ULK4: variants seen among roughly 807,000 people sequenced by gnomAD.
ULK4 encodes unc-51 like kinase 4.
A neutral mutation model predicts 160.6 loss-of-function variants in ULK4; 133 were observed. The ratio of observed to expected loss-of-function variants is 0.83; its 90% confidence interval spans 0.72 to 0.96. The LOEUF (loss-of-function observed/expected upper bound fraction) is 0.96. Ranked by LOEUF, ULK4 falls within the 40% of genes least tolerant of loss-of-function variation. The pLI is 0.00. For missense variants in ULK4, 1,580 were observed against 1,499.5 expected, an observed-to-expected ratio of 1.05 and a Z score of -0.89; for synonymous variants, 534 against 539.8, an observed-to-expected ratio of 0.99 and a Z score of 0.15.
intron 30 of ULK4, among the ~76,000 whole-genome samples, chr3:41,661,151 G>A (rs573999581): frequency 3.9e-5 from 6 of 152,078 alleles, no homozygotes; most frequent in Non-Finnish European, 8.8e-5. Context: ...TAAATACAGT[G>A]AACAAATATT....
At chr3:41,794,660 C>CAAAAAAAAAAAAAA (rs71075484) in intron 20 of ULK4, among the ~76,000 whole-genome samples, 214 of 18,974 alleles carry the variant, frequency 0.011, 20 homozygotes, top group East Asian at 0.026. Flanking sequence ...GACTCTGTCT[C>CAAAAAAAAAAAAAA]AAAAAAAAAA....
At chr3:41,769,715 C>A (rs1047807882) in intron 21 of ULK4, among the ~76,000 whole-genome samples, 2 of 152,138 alleles carry the variant, frequency 1.3e-5, no homozygotes, top group African/African-American at 4.8e-5. Context: ...GCTTCCACCA[C>A]AACCAAAAAT....
At chr3:41,339,089 C>A (rs576783880) in intron 35 of ULK4, among the ~76,000 whole-genome samples, 69 of 152,052 alleles carry the variant, frequency 4.5e-4, no homozygotes, top group African/African-American at 1.6e-3. Context: ...CATCTCCCAA[C>A]CCAGTCAGGT....
intron 32 of ULK4, among the ~76,000 whole-genome samples, chr3:41,545,520 T>C (rs2086830117): frequency 6.6e-6 from 1 of 152,220 alleles, no homozygotes; most frequent in South Asian, 2.1e-4. Context: ...TCATTACCCT[T>C]TATGTAATAT....
intron 23 of ULK4, among the ~76,000 whole-genome samples, chr3:41,716,228 T>C (rs866025383): frequency 7.4e-6 from 1 of 135,332 alleles, no homozygotes; most frequent in African/African-American, 3.3e-5. Context: ...ATAATAATAA[T>C]AATAATAATA....
chr3:41,764,453 A>G (rs1330762456), intron 21 of ULK4, among the ~76,000 whole-genome samples: 1 of 152,084 alleles, frequency 6.6e-6, no homozygotes, highest in African/African-American at 2.4e-5. Flanking sequence ...AAATCATACA[A>G]AAAAAAGTGG....
At chr3:41,290,490 G>C (rs9870792) in intron 35 of ULK4, among the ~76,000 whole-genome samples, 37,025 of 151,980 alleles carry the variant, frequency 0.24, 6,628 homozygotes, top group African/African-American at 0.5. Flanking sequence ...TTAGGTTATA[G>C]TGCTTCTCTA....
intron 1 of ULK4, among the ~76,000 whole-genome samples, chr3:41,960,873 C>A (rs1700641330): frequency 6.6e-6 from 1 of 152,134 alleles, no homozygotes; most frequent in African/African-American, 2.4e-5. Flanking sequence ...CTTCTAATCA[C>A]CACCCAAAGT....
chr3:41,653,978 T>C (rs1270078180), intron 30 of ULK4, among the ~76,000 whole-genome samples: 2 of 152,240 alleles, frequency 1.3e-5, no homozygotes, highest in African/African-American at 2.4e-5. Context: ...TGTTTCCTTG[T>C]AAATCTCACA....
At chr3:41,677,692 A>G (rs191647097) in intron 29 of ULK4, among the ~76,000 whole-genome samples, 112 of 152,302 alleles carry the variant, frequency 7.4e-4, no homozygotes, top group African/African-American at 2.6e-3. Flanking sequence ...ATTCTTTGAT[A>G]TTAATTCATC....
intron 35 of ULK4, among the ~76,000 whole-genome samples, chr3:41,329,083 T>G (rs2080392831): frequency 6.6e-6 from 1 of 152,224 alleles, no homozygotes; most frequent in South Asian, 2.1e-4. Flanking sequence ...ATATCTTCTC[T>G]GTCTCCATAG....
chr3:41,895,878 T>G (rs1698134756), intron 15 of ULK4, among the ~76,000 whole-genome samples: 1 of 152,170 alleles, frequency 6.6e-6, no homozygotes, highest in Admixed American at 6.5e-5. Context: ...AACTTAAATT[T>G]TTTCAAGCCA....
chr3:41,561,946 T>C (rs990603235), intron 32 of ULK4, among the ~76,000 whole-genome samples: 10 of 152,220 alleles, frequency 6.6e-5, no homozygotes, highest in Middle Eastern at 3.2e-3. Flanking sequence ...CTTTTAATTG[T>C]GATGTTAGGG....
At chr3:41,600,306 A>G (rs2125660024) in intron 31 of ULK4, among the ~76,000 whole-genome samples, 1 of 152,284 alleles carries the variant, frequency 6.6e-6, no homozygotes, top group Non-Finnish European at 1.5e-5. Context: ...CTGCTGTATG[A>G]AGTCAGTAAT....
At chr3:41,735,935 T>C (rs2038025976) in intron 22 of ULK4, among the ~76,000 whole-genome samples, 1 of 146,606 alleles carries the variant, frequency 6.8e-6, no homozygotes, top group East Asian at 2.0e-4. Flanking sequence ...AGTGAGAATA[T>C]GCGGTGTTTG....
At chr3:41,632,911 C>T (rs1559446624) in intron 30 of ULK4, among the ~76,000 whole-genome samples, 2 of 152,000 alleles carry the variant, frequency 1.3e-5, no homozygotes, top group Non-Finnish European at 2.9e-5. Flanking sequence ...TGAGGTTCAG[C>T]AAAGGAGCAG....
Position 41,862,797 on chromosome 3 carries a change from C to T in ULK4, c.1656+21077G>A, listed in dbSNP as rs555150391. On this transcript the variant is annotated intron_variant, in intron 17 of 36. Coordinates refer to ENST00000301831, the MANE Select transcript of ULK4 (RefSeq NM_017886.4). ...TCTCTCTCTCTCTCCGCTCCCCCCC[C>T]CCTTTCTCTCTCTCTCTCCCTCTTT... is the stretch of plus-strand genomic sequence containing the variant. Among the ~76,000 whole-genome samples the T allele has an allele frequency of 1.5e-3, 229 of 151,088 alleles. 2 individuals carry two copies. The highest frequency in any genetic ancestry group is 5.8e-3 in the Admixed American group (88 of 15,176).
Position 41,476,168 on chromosome 3 carries a change from G to C in ULK4, c.3227-12915C>G, listed in dbSNP as rs374674182. Reference sequence around the variant, plus strand: ...TCCATAACCCCTAAGGGTACAAAGAGAGAGGGAGCAACCGCTGTTAGTCTC... The same window carrying C: ...TCCATAACCCCTAAGGGTACAAAGACAGAGGGAGCAACCGCTGTTAGTCTC... On this transcript the variant is annotated intron_variant, in intron 32 of 36. Coordinates refer to ENST00000301831, the MANE Select transcript of ULK4 (RefSeq NM_017886.4). Among the ~76,000 whole-genome samples, 4 of 152,130 alleles carry C rather than the reference G, an allele frequency of 2.6e-5. 1 individual carries two copies. The East Asian group carries it at 7.7e-4, about 29-fold the overall frequency.
At chr3:41,904,011 G>C (rs1352204943) in intron 12 of ULK4, among the ~76,000 whole-genome samples, 1 of 129,944 alleles carries the variant, frequency 7.7e-6, no homozygotes, top group African/African-American at 2.8e-5. Context: ...AAAAAAAAAA[G>C]TAATCAGTGT....
Sources: allele counts gnomAD v4.1 joint callset (sites outside exome capture counted in the v4.1 genomes callset), GRCh38; gene constraint gnomAD v4.1.1; transcripts MANE v1.5; gene names NCBI Gene and HGNC (gene_info 2026-07-23, HGNC 2026-07-21).